The following SEC22A variants were observed in gnomAD, a reference collection of about 807,000 sequenced individuals.
The protein encoded by SEC22A is vesicle-trafficking protein SEC22a.
Under a neutral mutation model 35.3 loss-of-function variants are expected in SEC22A, and 22 were observed. The observed-to-expected ratio is 0.62, with a 90% confidence interval of 0.45 to 0.89. SEC22A has a LOEUF of 0.89. Ranked by LOEUF, SEC22A falls within the 40% of genes least tolerant of loss-of-function variation. The pLI, the probability that SEC22A is intolerant of heterozygous loss-of-function variation, is 0.00. For missense variants in SEC22A, 354 were observed against 362.5 expected (o/e 0.98, Z 0.19); for synonymous variants, 119 against 129.5 (o/e 0.92, Z 0.55).
intron 4 of SEC22A, among the ~76,000 whole-genome samples, chr3:123,236,831 A>C (rs1047209444): frequency 3.3e-5 from 5 of 152,122 alleles, no homozygotes; most frequent in African/African-American, 1.2e-4. Context: ...ACACACACGC[A>C]CACATATGCA....
chr3:123,241,224 AGAAG>A (rs1488179309), intron 4 of SEC22A, among the ~76,000 whole-genome samples: 8 of 152,336 alleles, frequency 5.3e-5, no homozygotes, highest in Admixed American at 1.3e-4. Context: ...AAAAGAGGTA[AGAAG>A]GAAGACTCAG....
chr3:123,271,709 A>T lies in SEC22A; in HGVS notation c.911A>T (p.Asp304Val), dbSNP rs1938167994. The change falls in exon 7 of 7, where the codon GAT (aspartate) becomes GTT (valine). Residue 304 changes from aspartate (D) to valine (V), a missense_variant. Transcript: ENST00000492595. Reference protein sequence around the residue: ...WLRQAQGKAPDYDV With the variant: ...WLRQAQGKAPVYDV ...AGGCAAGCCCAGGGCAAGGCTCCCG[A>T]TTATGATGTCTGACACCATCCTTCA... 1.2e-6 allele frequency: 2 copies of T among 1,613,908 alleles called. No individual in the cohort carries two copies. The highest frequency in any genetic ancestry group is 1.7e-6 in the Non-Finnish European group (2 of 1,179,898).
At chr3:123,268,838 A>G (rs1938082702) in intron 6 of SEC22A, among the ~76,000 whole-genome samples, 1 of 152,170 alleles carries the variant, frequency 6.6e-6, no homozygotes. Flanking sequence ...GATCTATGAT[A>G]CAGTCTCCCA....
chr3:123,213,498 C>G (rs1275584600), intron 2 of SEC22A, among the ~76,000 whole-genome samples: 1 of 152,146 alleles, frequency 6.6e-6, no homozygotes, highest in Non-Finnish European at 1.5e-5. Flanking sequence ...TTTTGAATCA[C>G]CTTCTTTCTC....
intron 2 of SEC22A, among the ~76,000 whole-genome samples, chr3:123,219,922 G>A (rs1576486891): frequency 6.6e-6 from 1 of 152,118 alleles, no homozygotes; most frequent in African/African-American, 2.4e-5. Flanking sequence ...ATATACTTTG[G>A]GAAAACTAGC....
chr3:123,227,668 A>G (rs1937237539), intron 4 of SEC22A, among the ~76,000 whole-genome samples: 2 of 152,350 alleles, frequency 1.3e-5, no homozygotes, highest in South Asian at 4.1e-4. Context: ...CACATTTATC[A>G]TTGTATATTG....
intron 1 of SEC22A, among the ~76,000 whole-genome samples, chr3:123,204,302 A>G (rs1043925943): frequency 6.6e-6 from 1 of 152,262 alleles, no homozygotes; most frequent in Admixed American, 6.5e-5. Flanking sequence ...AAAGACCAAT[A>G]TTAGGTAAAT....
At chr3:123,203,795 G>A (rs1193835090) in intron 1 of SEC22A, among the ~76,000 whole-genome samples, 1 of 152,162 alleles carries the variant, frequency 6.6e-6, no homozygotes. Context: ...TCTGTAAAAT[G>A]GTGGTTTTAC....
At chr3:123,224,438 T>G (rs2062371371) in intron 3 of SEC22A, among the ~76,000 whole-genome samples, 1 of 152,220 alleles carries the variant, frequency 6.6e-6, no homozygotes, top group Non-Finnish European at 1.5e-5. Context: ...TGTGTTCTTA[T>G]GTAATTGCAG....
chr3:123,209,920 G>T (rs1936910914), intron 2 of SEC22A, among the ~76,000 whole-genome samples: 1 of 152,194 alleles, frequency 6.6e-6, no homozygotes, highest in Non-Finnish European at 1.5e-5. Context: ...GAAGGATGCT[G>T]TGGATGAAGA....
At chr3:123,206,085 G>A (rs1936846728) in intron 1 of SEC22A, among the ~76,000 whole-genome samples, 1 of 152,104 alleles carries the variant, frequency 6.6e-6, no homozygotes, top group Non-Finnish European at 1.5e-5. Flanking sequence ...TCCTAGAGAG[G>A]CCAGACATAA....
intron 6 of SEC22A, among the ~76,000 whole-genome samples, chr3:123,260,934 C>T (rs553849180): frequency 1.7e-4 from 25 of 150,618 alleles, no homozygotes; most frequent in Non-Finnish European, 3.1e-4. Flanking sequence ...CTCCCAGGTT[C>T]ACGGCATTCT....
At chr3:123,206,257 C>A (rs1936850477) in intron 1 of SEC22A, among the ~76,000 whole-genome samples, 1 of 152,088 alleles carries the variant, frequency 6.6e-6, no homozygotes, top group African/African-American at 2.4e-5. Context: ...CCATGCCCAG[C>A]TGATTTTTAA....
intron 5 of SEC22A, among the ~76,000 whole-genome samples, chr3:123,256,761 T>C (rs10658465): frequency 6.0e-4 from 47 of 78,052 alleles, no homozygotes; most frequent in African/African-American, 9.0e-4. Flanking sequence ...TTCTTTCCTT[T>C]TTTTTTTTTT....
At chr3:123,220,668 G>A (rs914974690) in intron 2 of SEC22A, among the ~76,000 whole-genome samples, 2 of 151,628 alleles carry the variant, frequency 1.3e-5, no homozygotes, top group African/African-American at 4.8e-5. Flanking sequence ...ATGACATAGT[G>A]GTTTACAACT....
chr3:123,236,813 GCA>G (rs149939306), intron 4 of SEC22A, among the ~76,000 whole-genome samples: 4 of 150,650 alleles, frequency 2.7e-5, no homozygotes, highest in African/African-American at 7.3e-5. Flanking sequence ...TAAGAAACAC[GCA>G]CACACACACA....
chr3:123,223,896 T>C (rs1456141631), intron 3 of SEC22A, among the ~76,000 whole-genome samples, 174 bp downstream of exon 3: 2 of 152,084 alleles, frequency 1.3e-5, no homozygotes, highest in African/African-American at 4.8e-5. Flanking sequence ...TAGAAAAAAA[T>C]TGTGTTTGAG....
At chr3:123,212,416 G>A (rs757789864) in intron 2 of SEC22A, among the ~76,000 whole-genome samples, 48 of 152,102 alleles carry the variant, frequency 3.2e-4, no homozygotes, top group Non-Finnish European at 5.3e-4. Flanking sequence ...AGTGTCCTGG[G>A]TCATTATTCT....
At chr3:123,228,506 C>T (rs9819417) in intron 4 of SEC22A, among the ~76,000 whole-genome samples, 29,029 of 145,520 alleles carry the variant, frequency 0.2, 2,947 homozygotes, top group Middle Eastern at 0.29. Context: ...ACCCAGGAGG[C>T]GGAGGTGGCA....
Sources: allele counts gnomAD v4.1 joint callset (sites outside exome capture counted in the v4.1 genomes callset), GRCh38; gene constraint gnomAD v4.1.1; transcripts MANE v1.5; gene names NCBI Gene and HGNC (gene_info 2026-07-23, HGNC 2026-07-21).